Variants in NALCN observed in about 807,000 individuals in gnomAD.
NALCN encodes the protein sodium leak channel NALCN.
Under a neutral mutation model 225.3 loss-of-function variants are expected in NALCN, and 111 were observed. The ratio of observed to expected loss-of-function variants is 0.49; its 90% CI spans 0.42 to 0.58. NALCN has a LOEUF of 0.58. Among genes scored for constraint, NALCN ranks in the 20% least tolerant of loss-of-function variants. The probability of loss-of-function intolerance (pLI) is 0.00; values close to 1 mark genes in which losing one functional copy is unlikely to be tolerated. For synonymous variants in NALCN, 764 were observed against 769.0 expected (o/e 0.99, Z 0.11); for missense variants, 1,378 against 2,202.4 (o/e 0.63, Z 7.49).
At chr13:101,123,948 C>T (rs926377553) in intron 18 of NALCN, among the ~76,000 whole-genome samples, 2 of 152,176 alleles carry the variant, frequency 1.3e-5, no homozygotes, top group Non-Finnish European at 2.9e-5. Flanking sequence ...GATCCTACCT[C>T]CAGCTCCCAA....
intron 27 of NALCN, among the ~76,000 whole-genome samples, chr13:101,097,933 T>C (rs1260808464): frequency 6.6e-6 from 1 of 152,186 alleles, no homozygotes; most frequent in East Asian, 1.9e-4. Flanking sequence ...ATAATATCAT[T>C]GTGTGAGAAG....
rs2041270229 is a variant in NALCN at position 101,229,616 on chromosome 13, C to T, written c.1435-32G>A. 5 of 1,470,456 alleles carry T rather than the reference C, an allele frequency of 3.4e-6. No homozygotes were observed. The South Asian group carries it at 7.3e-5, about 21-fold the overall frequency. 91.1% of individuals were successfully genotyped at this position (1,470,456 alleles called of 1,614,324 possible). A position where few individuals can be genotyped will look rare whatever the true frequency, so the allele number is the denominator to read the frequency against. ...AGGGAGAGAGAAACATTTATTTACA[C>T]ATATGATCATTTATTTACACTGAAT... On this transcript the variant is annotated intron_variant, in intron 12 of 43. Transcript: ENST00000251127.
intron 15 of NALCN, among the ~76,000 whole-genome samples, chr13:101,170,487 C>A (rs2038662156): frequency 6.6e-6 from 1 of 152,194 alleles, no homozygotes; most frequent in African/African-American, 2.4e-5. Flanking sequence ...CAATGTTTTA[C>A]CAGCTATCTG....
Position 101,224,692 on chromosome 13 carries a change from C to T in NALCN, c.1626+4701G>A, listed in dbSNP as rs182430391. 1.0e-3 allele frequency among the ~76,000 whole-genome samples: 159 copies of T among 152,238 alleles called. 1 individual carries two copies. Among genetic ancestry groups the T allele is most frequent in the Admixed American group, 1.7e-3 (26 of 15,292 alleles). The stretch of plus-strand genomic sequence containing the variant: ...GCTTCCTTTTTTGAGAGAGCCGACA[C>T]CCTGTTCAGAGATTATTTCACTTCC... On this transcript the variant is annotated intron_variant, in intron 13 of 43. Coordinates refer to ENST00000251127, the MANE Select transcript of NALCN (RefSeq NM_052867.4).
intron 7 of NALCN, among the ~76,000 whole-genome samples, chr13:101,308,060 T>C (rs1270642402): frequency 6.6e-6 from 1 of 152,202 alleles, no homozygotes; most frequent in Non-Finnish European, 1.5e-5. Context: ...ATTTGAGAAA[T>C]ATAAAATAGA....
intron 11 of NALCN, among the ~76,000 whole-genome samples, chr13:101,253,559 C>T (rs2140199426): frequency 6.6e-6 from 1 of 152,214 alleles, no homozygotes; most frequent in South Asian, 2.1e-4. Context: ...TTTTAAAGCA[C>T]TTAGAACATA....
chr13:101,380,616 T>C (rs1253437530), intron 3 of NALCN, among the ~76,000 whole-genome samples: 2 of 152,094 alleles, frequency 1.3e-5, no homozygotes, highest in Non-Finnish European at 2.9e-5. Flanking sequence ...AATGTCAAGA[T>C]TTCAAATCAA....
At chr13:101,313,569 A>G (rs1251359843) in intron 7 of NALCN, among the ~76,000 whole-genome samples, 5 of 152,210 alleles carry the variant, frequency 3.3e-5, no homozygotes, top group Admixed American at 6.5e-5. Flanking sequence ...AACACATGAA[A>G]AAATGCTCAT....
intron 13 of NALCN, among the ~76,000 whole-genome samples, chr13:101,214,050 C>A (rs1050410085): frequency 1.3e-5 from 2 of 152,128 alleles, no homozygotes; most frequent in Admixed American, 6.6e-5. Flanking sequence ...ACCCAAGTGT[C>A]CAACAATGAT....
chr13:101,197,151 C>A (rs2039925448), intron 13 of NALCN, among the ~76,000 whole-genome samples: 1 of 152,056 alleles, frequency 6.6e-6, no homozygotes, highest in Admixed American at 6.6e-5. Flanking sequence ...TCTGCATAGC[C>A]CTTTGGCCAC....
At chr13:101,410,931 T>A (rs1438170535) in intron 1 of NALCN, among the ~76,000 whole-genome samples, 2 of 152,242 alleles carry the variant, frequency 1.3e-5, no homozygotes, top group African/African-American at 2.4e-5. Flanking sequence ...TGTGGATATA[T>A]CTTTACCATC....
At chr13:101,224,114 C>T (rs1442354441) in intron 13 of NALCN, among the ~76,000 whole-genome samples, 1 of 152,190 alleles carries the variant, frequency 6.6e-6, no homozygotes, top group African/African-American at 2.4e-5. Context: ...CTTCCCTTCA[C>T]CACATACACA....
chr13:101,252,280 G>A (rs898655635), intron 11 of NALCN, among the ~76,000 whole-genome samples: 2 of 152,064 alleles, frequency 1.3e-5, no homozygotes, highest in African/African-American at 4.8e-5. Flanking sequence ...TCTGTTCTCT[G>A]ACTTTATAAT....
At chr13:101,155,422 A>C (rs988943091) in intron 15 of NALCN, among the ~76,000 whole-genome samples, 6 of 152,166 alleles carry the variant, frequency 3.9e-5, no homozygotes, top group African/African-American at 1.4e-4. Context: ...GGTTTCGAGG[A>C]GTATCAGTCA....
chr13:101,123,224 G>A (rs1419475139), intron 18 of NALCN, among the ~76,000 whole-genome samples: 4 of 152,212 alleles, frequency 2.6e-5, no homozygotes, highest in African/African-American at 9.6e-5. Context: ...GCAAGGCAGT[G>A]GCTCTGGACA....
chr13:101,321,508 T>C (rs545752895), intron 7 of NALCN, among the ~76,000 whole-genome samples: 1 of 152,244 alleles, frequency 6.6e-6, no homozygotes, highest in African/African-American at 2.4e-5. Context: ...GCAGGAACAA[T>C]TTGGAAGTAT....
At chr13:101,150,134 G>GC (rs2037567104) in intron 15 of NALCN, among the ~76,000 whole-genome samples, 2 of 136,016 alleles carry the variant, frequency 1.5e-5, no homozygotes, top group Admixed American at 7.7e-5. Context: ...GGAGCCAGAC[G>GC]CAACAACAGA....
chr13:101,327,975 G>A (rs1006962425), intron 7 of NALCN, among the ~76,000 whole-genome samples: 3 of 152,136 alleles, frequency 2.0e-5, no homozygotes, highest in Admixed American at 6.5e-5. Flanking sequence ...TTGGAGAAAA[G>A]CAGCCACAGA....
rs2139002626 is a variant in NALCN, at chr13:101,282,900, T to C, written c.1134+1033A>G. On this transcript the variant is annotated intron_variant, in intron 10 of 43. Transcript: ENST00000251127. ...TAATGGCTCAGAGTACAATTTTATT[T>C]TTCATGTACCCATCCTTGAGTTGCA... Among the ~76,000 whole-genome samples the C allele has an allele frequency of 1.3e-5, 2 of 152,300 alleles. 1 individual carries two copies. Among genetic ancestry groups the C allele is most frequent in the South Asian group, 4.1e-4 (2 of 4,824 alleles).
Sources: gnomAD v4.1 joint callset for allele counts (sites outside exome capture counted in the v4.1 genomes callset) on GRCh38, gnomAD v4.1.1 for gene constraint, MANE v1.5 for transcripts, NCBI Gene and HGNC (gene_info 2026-07-23, HGNC 2026-07-21) for gene names.